The following GUCY2F variants were observed in gnomAD, a reference collection of about 807,000 sequenced individuals.
GUCY2F encodes retinal guanylyl cyclase 2.
A neutral mutation model predicts 73.1 loss-of-function variants in GUCY2F; 61 were observed. The ratio of observed to expected loss-of-function variants is 0.83; its 90% CI spans 0.68 to 1.03. GUCY2F has a LOEUF of 1.03. Ranked by LOEUF, GUCY2F falls within the 50% of genes least tolerant of loss-of-function variation. The pLI is 0.00. For missense variants in GUCY2F, 912 were observed against 854.3 expected (o/e 1.07, Z -0.84); for synonymous variants, 331 against 307.8 (o/e 1.08, Z -0.79).
intron 9 of GUCY2F, among the ~76,000 whole-genome samples, chrX:109,405,881 C>T (rs897243598): frequency 1.8e-5 from 2 of 111,529 alleles, no homozygotes; most frequent in Non-Finnish European, 3.8e-5. Context: ...TTATTGAGTA[C>T]CTACTATATG....
intron 8 of GUCY2F, among the ~76,000 whole-genome samples, chrX:109,425,394 ATATAT>A (rs1239705818): frequency 1.9e-5 from 2 of 107,657 alleles, no homozygotes; most frequent in African/African-American, 3.4e-5. Flanking sequence ...ATGTATATAT[ATATAT>A]TATATGTGTG....
intron 9 of GUCY2F, among the ~76,000 whole-genome samples, chrX:109,406,292 C>T (rs191653597): frequency 9.0e-6 from 1 of 111,584 alleles, no homozygotes; most frequent in Non-Finnish European, 1.9e-5. Flanking sequence ...GTTCCACATA[C>T]ACAGCCATTG....
At chrX:109,459,681 G>C (rs1932326278) in intron 3 of GUCY2F, among the ~76,000 whole-genome samples, 2 of 111,744 alleles carry the variant, frequency 1.8e-5, no homozygotes, top group Non-Finnish European at 3.8e-5. Context: ...AAGAAGATTA[G>C]AAGACTCTTC....
intron 7 of GUCY2F, among the ~76,000 whole-genome samples, chrX:109,436,898 C>T (rs1449428042): frequency 9.5e-6 from 1 of 104,931 alleles, no homozygotes; most frequent in Non-Finnish European, 1.9e-5. Flanking sequence ...AACTAACCTG[C>T]ACATTGTGCA....
chrX:109,431,232 C>A lies in GUCY2F; in HGVS notation c.1702-836G>T, dbSNP rs750030422. Among the ~76,000 whole-genome samples the A allele has an allele frequency of 1.8e-4, 20 of 111,632 alleles. No homozygotes were observed. The South Asian group carries it at 1.9e-3, about 10-fold the overall frequency. On this transcript the variant is annotated intron_variant, in intron 7 of 19. Transcript: ENST00000218006. ...TTTAAAAAAAATATCAATATAGATT[C>A]TTTTTTCTCCATAATAGTAATAATG...
chrX:109,418,650 A>T (rs1329425103), intron 8 of GUCY2F, among the ~76,000 whole-genome samples: 1 of 111,640 alleles, frequency 9.0e-6, no homozygotes, highest in Non-Finnish European at 1.9e-5. Flanking sequence ...GCTACAGCAG[A>T]GCTTAAATGT....
At chrX:109,391,212 T>C (rs1930552571) in intron 14 of GUCY2F, among the ~76,000 whole-genome samples, 1 of 111,677 alleles carries the variant, frequency 9.0e-6, no homozygotes, top group Admixed American at 9.5e-5. Flanking sequence ...AGGCATGGCA[T>C]CAAAATTAGT....
In GUCY2F at chrX:109,391,269, A is replaced by C. The variant is rs1285436192; in HGVS notation, c.2781+642T>G. On this transcript the variant is annotated intron_variant, in intron 14 of 19. Transcript: ENST00000218006. ...TCTAATAGAAAGAGTGAAAATTCAA[A>C]GGCTGGAGGAGTGAGAGAAGGTGGG... Among the ~76,000 whole-genome samples, 3 of 111,672 alleles carry C rather than the reference A, an allele frequency of 2.7e-5. No individual in the cohort carries two copies. The Admixed American group carries it at 2.8e-4, about 11-fold the overall frequency.
At chrX:109,460,541 G>A (rs990268422) in intron 3 of GUCY2F, among the ~76,000 whole-genome samples, 2 of 111,512 alleles carry the variant, frequency 1.8e-5, no homozygotes, top group African/African-American at 6.5e-5. Context: ...TCAATCAATA[G>A]TGAAGATGAA....
chrX:109,422,748 T>C (rs998555226), intron 8 of GUCY2F, among the ~76,000 whole-genome samples: 1 of 111,638 alleles, frequency 9.0e-6, no homozygotes, highest in Non-Finnish European at 1.9e-5. Context: ...AGAAATTCCC[T>C]CCCTGGTATT....
intron 3 of GUCY2F, among the ~76,000 whole-genome samples, chrX:109,458,913 G>C (rs760077866): frequency 1.8e-5 from 2 of 111,133 alleles, no homozygotes; most frequent in African/African-American, 3.3e-5. Flanking sequence ...AAGGCAGTCT[G>C]CCTTCAAAAC....
chrX:109,437,021 T>G (rs1305617181), intron 7 of GUCY2F, among the ~76,000 whole-genome samples: 1 of 111,299 alleles, frequency 9.0e-6, no homozygotes, highest in East Asian at 2.8e-4. Flanking sequence ...TTTGATTTAT[T>G]TTAAACAGAA....
chrX:109,465,815 G>A (rs1351782462), intron 2 of GUCY2F, among the ~76,000 whole-genome samples: 3 of 112,179 alleles, frequency 2.7e-5, no homozygotes, highest in Admixed American at 9.4e-5. Flanking sequence ...TCTCTGTCTC[G>A]TCCATAAAAT....
chrX:109,389,463 T>C (rs1005720497), intron 14 of GUCY2F, among the ~76,000 whole-genome samples: 9 of 112,027 alleles, frequency 8.0e-5, no homozygotes, highest in African/African-American at 2.6e-4. Context: ...TTAAAACCCA[T>C]GTGTTCCCAG....
At chrX:109,449,453 G>A (rs1390458788) in intron 5 of GUCY2F, among the ~76,000 whole-genome samples, 1 of 111,878 alleles carries the variant, frequency 8.9e-6, no homozygotes, top group African/African-American at 3.3e-5. Context: ...TCATATGTGT[G>A]GTGAATTGTC....
chrX:109,471,510 G>A (rs934579869), intron 2 of GUCY2F, among the ~76,000 whole-genome samples: 1 of 112,400 alleles, frequency 8.9e-6, no homozygotes, highest in Non-Finnish European at 1.9e-5. Flanking sequence ...CATGGTTTGA[G>A]GAGCAGAGAC....
intron 2 of GUCY2F, among the ~76,000 whole-genome samples, chrX:109,474,158 G>A (rs752852015): frequency 7.1e-5 from 8 of 111,939 alleles, no homozygotes; most frequent in Non-Finnish European, 1.5e-4. Context: ...CCAGGCCTAA[G>A]CTGGACCATT....
At chrX:109,392,125 T>C in intron 13 of GUCY2F, 22 bp from the exon 14 acceptor site, 1 of 1,135,558 alleles carries the variant, frequency 8.8e-7, no homozygotes, top group Non-Finnish European at 1.2e-6. Flanking sequence ...ACACAGCTAT[T>C]CCTAAGATGA....
chrX:109,418,955 A>G (rs1240300200), intron 8 of GUCY2F, among the ~76,000 whole-genome samples: 1 of 111,000 alleles, frequency 9.0e-6, no homozygotes, highest in Non-Finnish European at 1.9e-5. Flanking sequence ...TGATAAAGGA[A>G]TTTTTAAACA....
Sources: gnomAD v4.1 joint callset for allele counts (sites outside exome capture counted in the v4.1 genomes callset) on GRCh38, gnomAD v4.1.1 for gene constraint, MANE v1.5 for transcripts, NCBI Gene and HGNC (gene_info 2026-07-23, HGNC 2026-07-21) for gene names.